DIS3L: variants seen among roughly 807,000 people sequenced by gnomAD.
DIS3L encodes the protein DIS3-like exonuclease 1.
In DIS3L, 100 loss-of-function variants were observed where a neutral mutation model predicts 120.3. The observed-to-expected ratio is 0.83, with a 90% CI of 0.71 to 0.98. DIS3L has a LOEUF of 0.98. DIS3L is among the 50% of genes least tolerant of loss of function. DIS3L has a pLI of 0.00. For synonymous variants in DIS3L, 426 were observed against 470.6 expected (o/e 0.91, Z 1.23); for missense variants, 1,196 against 1,314.2 (o/e 0.91, Z 1.39).
At chr15:66,300,908 T>C (rs1350313911) in intron 2 of DIS3L, among the ~76,000 whole-genome samples, 1 of 152,218 alleles carries the variant, frequency 6.6e-6, no homozygotes, top group African/African-American at 2.4e-5. Context: ...TATTGTCTAA[T>C]ATAAATGGCA....
intron 10 of DIS3L, 138 bp downstream of exon 10, chr15:66,323,072 ACT>A: frequency 2.9e-6 from 3 of 1,022,620 alleles, no homozygotes; most frequent in Non-Finnish European, 4.2e-6. Context: ...GTTGAGGTCC[ACT>A]CTCCATTTTC....
chr15:66,333,453 G>A lies in DIS3L; in HGVS notation c.*141G>A, dbSNP rs142792598. ...GCATATATGTAAAATGTTCTCAGCC[G>A]GGCACGGTGGCTCACGCCTGTAACC... On this transcript the variant is annotated 3_prime_UTR_variant, in exon 17 of 17. Coordinates refer to ENST00000319212, the MANE Select transcript of DIS3L (RefSeq NM_001143688.3). 1.6e-5 allele frequency: 15 copies of A among 944,696 alleles called. No individual in the cohort carries two copies. In the East Asian group the frequency reaches 1.6e-4, roughly 10 times the overall value. The allele number at this position is 944,696 out of a possible 1,614,324, so 58.5% of individuals were successfully genotyped here.
intron 2 of DIS3L, among the ~76,000 whole-genome samples, chr15:66,304,221 C>A (rs540067549): frequency 9.9e-5 from 15 of 151,896 alleles, no homozygotes; most frequent in African/African-American, 3.6e-4. Flanking sequence ...GAGGCCAAGG[C>A]AGGAGGATCG....
intron 3 of DIS3L, 114 bp downstream of exon 3, chr15:66,307,066 G>T: frequency 7.3e-7 from 1 of 1,362,288 alleles, no homozygotes; most frequent in Non-Finnish European, 1.0e-6. Context: ...CAATTATTCT[G>T]GAACCATGAT....
At position 66,323,695 on chromosome 15, in the gene DIS3L, G is replaced by C. The variant is rs1390642338; in HGVS notation, c.1667+110G>C. On this transcript the variant is annotated intron_variant, in intron 11 of 16. Coordinates refer to ENST00000319212, the MANE Select transcript of DIS3L (RefSeq NM_001143688.3). ...CTCTGCTATGCCCCACCCCAGCCCT[G>C]TGTCTCCCCTCTGACCTCTCAACCT... 6 of 1,132,564 alleles carry C rather than the reference G, an allele frequency of 5.3e-6. No homozygotes were observed. The African/African-American group carries it at 9.2e-5, about 17-fold the overall frequency. The allele number at this position is 1,132,564 out of a possible 1,614,324, so 70.2% of individuals were successfully genotyped here.
At chr15:66,311,626 G>A in intron 4 of DIS3L, 98 bp from the exon 5 acceptor site, 1 of 1,427,978 alleles carries the variant, frequency 7.0e-7, no homozygotes, top group South Asian at 1.2e-5. Context: ...CCTCAAGATG[G>A]CAGGCCAGCA....
In DIS3L at chr15:66,315,221, C is replaced by T. The variant is rs757802440; in HGVS notation, c.994+6C>T. The T allele has an allele frequency of 1.2e-6, 2 of 1,600,508 alleles. No homozygotes were observed. Among genetic ancestry groups the T allele is most frequent in the Admixed American group, 1.7e-5 (1 of 59,390 alleles). On this transcript the variant is annotated splice_donor_region_variant and intron_variant, in intron 7 of 16. Transcript: ENST00000319212. Reference sequence around the variant, plus strand: ...AAGTGAGCCCATGCCTACAGGTGAGCCAGCTGCAGAGCCACTCCGATGTCC... The same window carrying T: ...AAGTGAGCCCATGCCTACAGGTGAGTCAGCTGCAGAGCCACTCCGATGTCC...
chr15:66,322,875 C>A lies in DIS3L; in HGVS notation c.1515C>A (p.Ile505=), dbSNP rs1211501518. The A allele has an allele frequency of 1.9e-6, 3 of 1,614,158 alleles. No homozygotes were observed. The highest frequency in any genetic ancestry group is 2.5e-6 in the Non-Finnish European group (3 of 1,180,028). ...NNGNLELGVH[I]ADVTHFVAPN... ...GCAACCTGGAACTTGGGGTCCACAT[C>A]GCAGATGTAACACACTTTGTGGCAC... The change falls in exon 10 of 17, where the codon ATC becomes ATA. Residue 505 remains isoleucine, a synonymous_variant. Coordinates refer to ENST00000319212, the MANE Select transcript of DIS3L (RefSeq NM_001143688.3).
intron 2 of DIS3L, among the ~76,000 whole-genome samples, chr15:66,297,274 G>C (rs898614249): frequency 2.0e-5 from 3 of 152,112 alleles, no homozygotes; most frequent in Admixed American, 6.5e-5. Flanking sequence ...TAAGTTATTT[G>C]ACTTTTTTTA....
At chr15:66,324,495 A>G (rs2092916631) in intron 11 of DIS3L, among the ~76,000 whole-genome samples, 1 of 152,212 alleles carries the variant, frequency 6.6e-6, no homozygotes, top group Non-Finnish European at 1.5e-5. Flanking sequence ...TTTAAAATAC[A>G]GTATATGTGA....
intron 7 of DIS3L, among the ~76,000 whole-genome samples, chr15:66,316,073 C>CTTTAAT (rs951028649): frequency 5.3e-5 from 8 of 152,136 alleles, no homozygotes; most frequent in East Asian, 1.9e-4. Context: ...TCCTGCAGTC[C>CTTTAAT]TTTAATTTTA....
chr15:66,318,345 G>T, intron 7 of DIS3L, 104 bp from the exon 8 acceptor site: 1 of 1,278,572 alleles, frequency 7.8e-7, no homozygotes, highest in African/African-American at 1.5e-5. Flanking sequence ...AAAAAAAATA[G>T]GACACTGTAT....
chr15:66,296,653 A>T (rs1424731976), intron 2 of DIS3L, among the ~76,000 whole-genome samples: 2 of 151,682 alleles, frequency 1.3e-5, no homozygotes, highest in African/African-American at 4.8e-5. Flanking sequence ...CCTCCTGAGT[A>T]GCTGGGATTA....
At chr15:66,304,107 A>AAAAAAC (rs2092678281) in intron 2 of DIS3L, among the ~76,000 whole-genome samples, 1 of 148,602 alleles carries the variant, frequency 6.7e-6, no homozygotes, top group African/African-American at 2.5e-5. Context: ...AAAAAAAAAA[A>AAAAAAC]AAAAACAATA....
At position 66,306,857 on chromosome 15, in the gene DIS3L, T is replaced by C; in HGVS notation, c.327T>C (p.Asp109=). Residue 109 remains aspartate (D), a synonymous_variant, in exon 3 of 17, where the codon GAT becomes GAC. Transcript: ENST00000319212. ...QYNKLRNLLK[D]ARHDCILFAN... is the part of the protein sequence containing the mutation. ...ACAAACTGCGAAACCTGCTGAAGGA[T>C]GCGCGTCATGATTGCATTCTCTTTG... 1.2e-6 allele frequency: 2 copies of C among 1,614,202 alleles called. No homozygotes were observed. The highest frequency in any genetic ancestry group is 1.7e-6 in the Non-Finnish European group (2 of 1,180,022).
At chr15:66,329,630 C>G in intron 14 of DIS3L, 4 of 1,222,234 alleles carry the variant, frequency 3.3e-6, no homozygotes, top group East Asian at 4.0e-5. Context: ...TGTAAAGATT[C>G]AAGCAACGCA....
At chr15:66,310,964 C>G (rs2092754056) in intron 4 of DIS3L, among the ~76,000 whole-genome samples, 1 of 149,124 alleles carries the variant, frequency 6.7e-6, no homozygotes, top group South Asian at 2.1e-4. Context: ...CACTTGTACT[C>G]CAGCATGGGC....
chr15:66,310,733 T>G (rs367794166), intron 4 of DIS3L, among the ~76,000 whole-genome samples: 27 of 152,202 alleles, frequency 1.8e-4, no homozygotes, highest in East Asian at 7.7e-4. Context: ...GTGGGAGAAA[T>G]GCTGGAGTTG....
intron 11 of DIS3L, among the ~76,000 whole-genome samples, chr15:66,324,737 C>CATTACA (rs1289926800): frequency 6.6e-6 from 1 of 152,110 alleles, no homozygotes; most frequent in Non-Finnish European, 1.5e-5. Context: ...TTTTAATTTG[C>CATTACA]ATTACAAATA....
Sources: allele counts gnomAD v4.1 joint callset (sites outside exome capture counted in the v4.1 genomes callset), GRCh38; gene constraint gnomAD v4.1.1; transcripts MANE v1.5; gene names NCBI Gene and HGNC (gene_info 2026-07-23, HGNC 2026-07-21).